The following CMIP variants were observed in gnomAD, a reference collection of about 807,000 sequenced individuals.
CMIP encodes c-Maf inducing protein, also known as C-Maf-inducing protein.
A neutral mutation model predicts 97.3 loss-of-function variants in CMIP; 13 were observed. That is an observed-to-expected ratio of 0.13 (90% CI 0.09 to 0.21). CMIP has a LOEUF of 0.21. Among genes scored for constraint, CMIP ranks in the 10% least tolerant of loss-of-function variants. The probability of loss-of-function intolerance (pLI) is 1.00; values close to 1 mark genes in which losing one functional copy is unlikely to be tolerated. For missense variants in CMIP, 847 were observed against 1,024.9 expected (o/e 0.83, Z 2.37); for synonymous variants, 538 against 436.3 (o/e 1.23, Z -2.91).
intron 13 of CMIP, chr16:81,696,335 C>A: frequency 3.4e-6 from 2 of 592,322 alleles, no homozygotes; most frequent in Non-Finnish European, 6.0e-6. Flanking sequence ...GTGCAGCTGA[C>A]AGCCAGTAGC....
At chr16:81,480,446 A>T (rs1908188344) in intron 1 of CMIP, among the ~76,000 whole-genome samples, 1 of 152,204 alleles carries the variant, frequency 6.6e-6, no homozygotes. Context: ...AGGCTGAGGC[A>T]TGAGAATCGC....
chr16:81,648,350 G>A (rs1038779172), intron 3 of CMIP, among the ~76,000 whole-genome samples: 5 of 151,972 alleles, frequency 3.3e-5, no homozygotes, highest in Non-Finnish European at 1.5e-5. Flanking sequence ...ACAATCCTCT[G>A]GCAGAAGCTG....
intron 7 of CMIP, among the ~76,000 whole-genome samples, 183 bp from the exon 8 acceptor site, chr16:81,669,959 C>A: frequency 6.6e-6 from 1 of 152,232 alleles, no homozygotes; most frequent in Non-Finnish European, 1.5e-5. Context: ...GCGGGTGTCG[C>A]AGTGCTATTC....
At position 81,445,133 on chromosome 16, in the gene CMIP, C is replaced by G. The variant is rs1291883624; in HGVS notation, c.-109C>G. 3.7e-6 allele frequency: 2 copies of G among 540,186 alleles called. No homozygotes were observed. Among genetic ancestry groups the G allele is most frequent in the East Asian group, 3.7e-5 (1 of 27,232 alleles). 33.5% of individuals were successfully genotyped at this position (540,186 alleles called of 1,614,324 possible). On this transcript the variant is annotated 5_prime_UTR_variant, in exon 1 of 21. Transcript: ENST00000537098. The stretch of plus-strand genomic sequence containing the variant: ...CGCCCCCAGCCCCACACCCCCCCAC[C>G]TTCCCGGGGGGTGGGGGGGTGCGGG...
At chr16:81,504,973 C>G (rs572956444) in intron 1 of CMIP, among the ~76,000 whole-genome samples, 1 of 152,270 alleles carries the variant, frequency 6.6e-6, no homozygotes, top group Admixed American at 6.5e-5. Context: ...GCTCTTTTGA[C>G]CCCTTGAATC....
In CMIP at chr16:81,582,046, G is replaced by A. The variant is rs374722775; in HGVS notation, c.301-25521G>A. 2.4e-3 allele frequency among the ~76,000 whole-genome samples: 358 copies of A among 152,244 alleles called. 3 individuals carry two copies. The highest frequency in any genetic ancestry group is 8.1e-3 in the African/African-American group (335 of 41,544). ...GCACATCACATGGCTTGAGCAGGAC[G>A]AAGAGAGCTGGCGGGGAGAGGTGCC... On this transcript the variant is annotated intron_variant, in intron 1 of 20. Transcript: ENST00000537098.
chr16:81,472,570 C>T (rs1192751938), intron 1 of CMIP, among the ~76,000 whole-genome samples: 3 of 152,230 alleles, frequency 2.0e-5, no homozygotes, highest in African/African-American at 7.2e-5. Flanking sequence ...CCAACATGGG[C>T]CCTGCTCTCA....
At chr16:81,569,794 A>G (rs2091050688) in intron 1 of CMIP, among the ~76,000 whole-genome samples, 1 of 151,922 alleles carries the variant, frequency 6.6e-6, no homozygotes, top group Non-Finnish European at 1.5e-5. Flanking sequence ...CCTGGTGTCA[A>G]CCTCTCTGAG....
intron 3 of CMIP, among the ~76,000 whole-genome samples, chr16:81,649,832 C>G (rs992504903): frequency 1.3e-5 from 2 of 152,298 alleles, no homozygotes; most frequent in South Asian, 4.1e-4. Context: ...ATTTCATGGT[C>G]TTTTAAAAAT....
intron 3 of CMIP, among the ~76,000 whole-genome samples, chr16:81,637,251 T>G (rs1000739695): frequency 6.6e-6 from 1 of 152,172 alleles, no homozygotes; most frequent in Non-Finnish European, 1.5e-5. Flanking sequence ...TTTTGTATTT[T>G]TAGTAGAGAC....
rs1253895411 is a variant in CMIP, at chr16:81,447,159, G to A, written c.300+1618G>A. 2.6e-5 allele frequency among the ~76,000 whole-genome samples: 4 copies of A among 152,144 alleles called. No individual in the cohort carries two copies. The East Asian group carries it at 7.7e-4, about 29-fold the overall frequency. ...GATGTGGGGAGGAACTGGTGACCGC[G>A]GTGCCCCCTGCCTGGATTCTGGAGA... On this transcript the variant is annotated intron_variant, in intron 1 of 20. Transcript: ENST00000537098.
rs1464792593 is a variant in CMIP, at chr16:81,696,494, G to A, written c.1531-66G>A. 13 of 1,482,448 alleles carry A rather than the reference G, an allele frequency of 8.8e-6. No homozygotes were observed. The Admixed American group carries it at 2.5e-4, about 29-fold the overall frequency. 91.8% of individuals were successfully genotyped at this position (1,482,448 alleles called of 1,614,324 possible). ...TGAGCCTTTCCCATTCATGTGTGCAGATCATGGTCGCCCTTGTCACCGGGG... is the reference window on the plus strand; with the variant it reads ...TGAGCCTTTCCCATTCATGTGTGCAAATCATGGTCGCCCTTGTCACCGGGG... On this transcript the variant is annotated intron_variant, in intron 13 of 20. Transcript: ENST00000537098.
intron 3 of CMIP, among the ~76,000 whole-genome samples, chr16:81,646,866 C>T: frequency 6.6e-6 from 1 of 152,202 alleles, no homozygotes; most frequent in African/African-American, 2.4e-5. Flanking sequence ...CTTGTTTATC[C>T]ATTCATCAGT....
At chr16:81,449,163 G>T (rs1906051714) in intron 1 of CMIP, among the ~76,000 whole-genome samples, 1 of 152,210 alleles carries the variant, frequency 6.6e-6, no homozygotes, top group Admixed American at 6.5e-5. Context: ...ACTTTTAAGA[G>T]AATGTGGCAC....
At chr16:81,536,982 A>G (rs1021356811) in intron 1 of CMIP, among the ~76,000 whole-genome samples, 1 of 152,006 alleles carries the variant, frequency 6.6e-6, no homozygotes, top group Non-Finnish European at 1.5e-5. Context: ...ATCAGTGTCT[A>G]ATGGTTTTGC....
chr16:81,612,541 T>C (rs1052176792), intron 2 of CMIP, among the ~76,000 whole-genome samples: 3 of 152,152 alleles, frequency 2.0e-5, no homozygotes, highest in Non-Finnish European at 2.9e-5. Flanking sequence ...AAGCTCCTTT[T>C]CCCTAAGAAA....
intron 1 of CMIP, among the ~76,000 whole-genome samples, chr16:81,572,309 T>G (rs1212239687): frequency 6.6e-6 from 1 of 152,242 alleles, no homozygotes; most frequent in African/African-American, 2.4e-5. Flanking sequence ...GAGCAGCGAT[T>G]GGCCCTTGCC....
At chr16:81,569,820 C>A (rs1567585493) in intron 1 of CMIP, among the ~76,000 whole-genome samples, 1 of 152,178 alleles carries the variant, frequency 6.6e-6, no homozygotes, top group Non-Finnish European at 1.5e-5. Context: ...GTTTTCTCAT[C>A]TGTAAAATGG....
chr16:81,684,768 C>T (rs1298411109), intron 10 of CMIP, among the ~76,000 whole-genome samples: 1 of 152,256 alleles, frequency 6.6e-6, no homozygotes, highest in Admixed American at 6.5e-5. Flanking sequence ...GCATCAGGCA[C>T]CTGCCTGCTT....
Sources: gnomAD v4.1 joint callset for allele counts (sites outside exome capture counted in the v4.1 genomes callset) on GRCh38, gnomAD v4.1.1 for gene constraint, MANE v1.5 for transcripts, NCBI Gene and HGNC (gene_info 2026-07-23, HGNC 2026-07-21) for gene names.